Variants in PCDH9 observed in about 807,000 individuals in gnomAD.
PCDH9 encodes protocadherin 9, also known as protocadherin-9.
A neutral mutation model predicts 70.6 loss-of-function variants in PCDH9; 24 were observed. The observed-to-expected ratio is 0.34, with a 90% confidence interval of 0.25 to 0.48. PCDH9 has a LOEUF of 0.48. Among genes scored for constraint, PCDH9 ranks in the 20% least tolerant of loss-of-function variants. The pLI is 0.99. For synonymous variants in PCDH9, 562 were observed against 558.5 expected (o/e 1.01, Z -0.09); for missense variants, 1,281 against 1,503.6 (o/e 0.85, Z 2.45).
rs568645474 is a variant in PCDH9, at chr13:66,630,979, TG to T, written c.3340+230del. 1.5e-4 allele frequency among the ~76,000 whole-genome samples: 23 copies of T among 152,314 alleles called. 1 individual carries two copies. The highest frequency in any genetic ancestry group is 8.3e-4 in the South Asian group (4 of 4,830). On this transcript the variant is annotated intron_variant, in intron 4 of 4. Coordinates refer to ENST00000377865, the MANE Select transcript of PCDH9 (RefSeq NM_203487.3). ...GCTTCTTTCAGTTATATTTATAGCA[TG>T]TTTTTTTCTTTTTTAATGGTTCATA...
chr13:66,513,305 A>T (rs1000606470), intron 4 of PCDH9, among the ~76,000 whole-genome samples: 6 of 151,604 alleles, frequency 4.0e-5, no homozygotes, highest in Non-Finnish European at 7.4e-5. Flanking sequence ...AAACTTTTAC[A>T]AAATGTCTGC....
intron 3 of PCDH9, among the ~76,000 whole-genome samples, chr13:66,820,267 A>G (rs2080687274): frequency 6.6e-6 from 1 of 152,210 alleles, no homozygotes; most frequent in African/African-American, 2.4e-5. Flanking sequence ...TGCAAGATAA[A>G]AGCAGGTTTT....
At position 67,174,310 on chromosome 13, in the gene PCDH9, G is replaced by GATACATACATACATAC. The variant is rs567593126; in HGVS notation, c.3036+51094_3036+51095insGTATGTATGTATGTAT. Among the ~76,000 whole-genome samples, 765 of 149,592 alleles carry GATACATACATACATAC rather than the reference G, an allele frequency of 5.1e-3. 9 individuals are homozygous for GATACATACATACATAC. Among genetic ancestry groups the GATACATACATACATAC allele is most frequent in the Admixed American group, 8.1e-3 (121 of 14,974 alleles). On this transcript the variant is annotated intron_variant, in intron 2 of 4. Transcript: ENST00000377865. ...TAGACAGATGATAGATAGATAGATA[G>GATACATACATACATAC]ATAGATACATACATACATACATACA... is the stretch of plus-strand genomic sequence containing the variant.
chr13:66,677,974 A>AC (rs1369633446), intron 3 of PCDH9, among the ~76,000 whole-genome samples: 36 of 152,294 alleles, frequency 2.4e-4, no homozygotes, highest in African/African-American at 8.4e-4. Flanking sequence ...ACTGCTTGTT[A>AC]TAAAAAACAA....
intron 2 of PCDH9, among the ~76,000 whole-genome samples, chr13:66,998,594 A>G (rs1010543868): frequency 6.6e-6 from 1 of 152,190 alleles, no homozygotes; most frequent in Non-Finnish European, 1.5e-5. Flanking sequence ...CAAAGTTTTC[A>G]TCTCAGCAGT....
At chr13:66,527,965 C>T (rs1960285905) in intron 4 of PCDH9, among the ~76,000 whole-genome samples, 1 of 152,112 alleles carries the variant, frequency 6.6e-6, no homozygotes, top group Non-Finnish European at 1.5e-5. Context: ...TTGAAGTGAG[C>T]TGAGATCACA....
At chr13:67,101,846 C>G (rs1167941455) in intron 2 of PCDH9, among the ~76,000 whole-genome samples, 1 of 151,988 alleles carries the variant, frequency 6.6e-6, no homozygotes, top group African/African-American at 2.4e-5. Flanking sequence ...CAATGGATAA[C>G]TAATAGTGTT....
chr13:67,086,048 G>A (rs1298583600), intron 2 of PCDH9, among the ~76,000 whole-genome samples: 6 of 152,054 alleles, frequency 3.9e-5, no homozygotes, highest in Non-Finnish European at 8.8e-5. Flanking sequence ...ATGCTCTATT[G>A]AGGCAAATTC....
At chr13:66,405,927 A>G (rs571959947) in intron 4 of PCDH9, among the ~76,000 whole-genome samples, 1 of 10,680 alleles carries the variant, frequency 9.4e-5, no homozygotes, top group East Asian at 0.25. Context: ...GACATTATGT[A>G]TAAGGGACTG....
intron 3 of PCDH9, among the ~76,000 whole-genome samples, chr13:66,705,705 T>C (rs2078702464): frequency 6.6e-6 from 1 of 152,104 alleles, no homozygotes; most frequent in Non-Finnish European, 1.5e-5. Context: ...ATACAGAATA[T>C]AGAATTACAA....
At chr13:66,786,064 T>A (rs1297772950) in intron 3 of PCDH9, among the ~76,000 whole-genome samples, 1 of 152,136 alleles carries the variant, frequency 6.6e-6, no homozygotes, top group African/African-American at 2.4e-5. Context: ...GGAGCAAAAT[T>A]TGAATATCCA....
intron 2 of PCDH9, among the ~76,000 whole-genome samples, chr13:67,012,106 C>A (rs1025955816): frequency 1.3e-5 from 2 of 151,676 alleles, no homozygotes; most frequent in African/African-American, 4.8e-5. Flanking sequence ...CTTTTTCTTT[C>A]CTTCTTTGGC....
intron 2 of PCDH9, among the ~76,000 whole-genome samples, chr13:67,077,960 G>C (rs1451415918): frequency 6.6e-6 from 1 of 152,012 alleles, no homozygotes; most frequent in Non-Finnish European, 1.5e-5. Flanking sequence ...CTTTCCATTT[G>C]ATGAAGTACA....
intron 3 of PCDH9, among the ~76,000 whole-genome samples, chr13:66,710,546 G>T (rs138140332): frequency 6.6e-6 from 1 of 152,170 alleles, no homozygotes; most frequent in East Asian, 1.9e-4. Context: ...CTAGAAATGG[G>T]TATCAACAGA....
intron 3 of PCDH9, among the ~76,000 whole-genome samples, chr13:66,775,860 C>A (rs867141876): frequency 6.6e-6 from 1 of 152,122 alleles, no homozygotes; most frequent in South Asian, 2.1e-4. Flanking sequence ...CAGCGTTCAA[C>A]TGTGTTGACC....
intron 4 of PCDH9, among the ~76,000 whole-genome samples, chr13:66,316,873 C>A (rs1474881766): frequency 6.6e-6 from 1 of 152,084 alleles, no homozygotes; most frequent in African/African-American, 2.4e-5. Context: ...CAGGCACGCA[C>A]AACAACGCCT....
chr13:66,617,964 G>A (rs912454157), intron 4 of PCDH9, among the ~76,000 whole-genome samples: 2 of 152,058 alleles, frequency 1.3e-5, no homozygotes, highest in African/African-American at 4.8e-5. Context: ...CAGGTGGGAG[G>A]GGGTCCCTGG....
chr13:66,420,137 G>A (rs146537095), intron 4 of PCDH9, among the ~76,000 whole-genome samples: 3,056 of 152,178 alleles, frequency 0.02, 126 homozygotes, highest in African/African-American at 0.07. Context: ...CTCCTCTCTG[G>A]CCAGGGCATC....
intron 3 of PCDH9, among the ~76,000 whole-genome samples, chr13:66,757,016 T>C (rs2079548145): frequency 6.6e-6 from 1 of 152,090 alleles, no homozygotes; most frequent in African/African-American, 2.4e-5. Flanking sequence ...TTTGTATTTT[T>C]AGTAGAGATG....
Sources: gnomAD v4.1 joint callset for allele counts (sites outside exome capture counted in the v4.1 genomes callset) on GRCh38, gnomAD v4.1.1 for gene constraint, MANE v1.5 for transcripts, NCBI Gene and HGNC (gene_info 2026-07-23, HGNC 2026-07-21) for gene names.